Variants in ZNF385D observed in about 807,000 individuals in gnomAD.
ZNF385D encodes the protein zinc finger protein 659.
A neutral mutation model predicts 35.8 loss-of-function variants in ZNF385D; 15 were observed. That is an observed-to-expected ratio of 0.42 (90% CI 0.28 to 0.64). The LOEUF (loss-of-function observed/expected upper bound fraction) is 0.64. Ranked by LOEUF, ZNF385D falls within the 30% of genes least tolerant of loss-of-function variation. The pLI is 0.23. For missense variants in ZNF385D, 474 were observed against 494.6 expected, an observed-to-expected ratio of 0.96 and a Z score of 0.39; for synonymous variants, 212 against 186.8, an observed-to-expected ratio of 1.13 and a Z score of -1.10.
At chr3:21,483,976 A>G (rs35903384) in intron 4 of ZNF385D, among the ~76,000 whole-genome samples, 7 of 152,132 alleles carry the variant, frequency 4.6e-5, no homozygotes, top group African/African-American at 9.7e-5. Context: ...TCAGGGTCCA[A>G]TCAAAAAAGA....
chr3:22,135,571 T>C (rs1192466441), intron 3 of ZNF385D, among the ~76,000 whole-genome samples: 3 of 152,168 alleles, frequency 2.0e-5, no homozygotes, highest in Admixed American at 1.3e-4. Flanking sequence ...GATCAATGGG[T>C]TTAATGCATT....
At chr3:22,324,672 A>G (rs1694594164) in intron 2 of ZNF385D, among the ~76,000 whole-genome samples, 1 of 152,212 alleles carries the variant, frequency 6.6e-6, no homozygotes. Context: ...ATTTTAAAAT[A>G]AAATTTGACA....
At chr3:21,760,524 A>G (rs963940559) in intron 3 of ZNF385D, among the ~76,000 whole-genome samples, 1 of 152,224 alleles carries the variant, frequency 6.6e-6, no homozygotes, top group Non-Finnish European at 1.5e-5. Flanking sequence ...TAACCCTCAC[A>G]TTTCATATTT....
At chr3:21,594,090 G>T (rs1457609301) in intron 2 of ZNF385D, among the ~76,000 whole-genome samples, 1 of 152,160 alleles carries the variant, frequency 6.6e-6, no homozygotes, top group Admixed American at 6.5e-5. Flanking sequence ...AAGGCAAGAA[G>T]CAACTCTAGC....
intron 3 of ZNF385D, among the ~76,000 whole-genome samples, chr3:21,773,605 G>C (rs549669186): frequency 4.7e-4 from 72 of 151,950 alleles, no homozygotes; most frequent in African/African-American, 1.6e-3. Context: ...TAAAAAGTGG[G>C]CAAAGAACAC....
intron 2 of ZNF385D, among the ~76,000 whole-genome samples, chr3:22,228,292 G>T (rs1435244992): frequency 6.6e-6 from 1 of 152,124 alleles, no homozygotes; most frequent in Non-Finnish European, 1.5e-5. Context: ...AATATATATG[G>T]CAGTGGCCAT....
At chr3:22,183,607 C>T (rs1349063768) in intron 2 of ZNF385D, among the ~76,000 whole-genome samples, 4 of 152,088 alleles carry the variant, frequency 2.6e-5, no homozygotes, top group Admixed American at 6.6e-5. Context: ...TCACCCGCCT[C>T]GGCCTCCCGA....
intron 3 of ZNF385D, among the ~76,000 whole-genome samples, chr3:21,764,906 C>T (rs543758228): frequency 6.6e-6 from 1 of 152,086 alleles, no homozygotes; most frequent in Admixed American, 6.6e-5. Context: ...CACTTCTCTC[C>T]TGCCTACAAC....
chr3:21,819,663 A>G (rs2073308951), intron 3 of ZNF385D, among the ~76,000 whole-genome samples: 4 of 146,786 alleles, frequency 2.7e-5, no homozygotes, highest in East Asian at 2.0e-4. Context: ...ATTTATGTGT[A>G]TTAATTATAT....
intron 2 of ZNF385D, among the ~76,000 whole-genome samples, chr3:22,348,155 TTTC>T (rs1332993784): frequency 4.6e-5 from 7 of 152,154 alleles, no homozygotes; most frequent in Admixed American, 3.3e-4. Flanking sequence ...TAACTGGCTT[TTTC>T]TTAAGTAATA....
chr3:22,028,567 G>C (rs1559314718), intron 3 of ZNF385D, among the ~76,000 whole-genome samples: 1 of 152,220 alleles, frequency 6.6e-6, no homozygotes, highest in Non-Finnish European at 1.5e-5. Context: ...GGAAAGGGTA[G>C]AGGTTTGTCC....
rs117636412 is a variant in ZNF385D, at chr3:21,901,810, C to T, written c.326-236782G>A. The stretch of plus-strand genomic sequence containing the variant: ...GTTGGTACAGGAAGACCCAGACTAA[C>T]AGGTTATTTGAGGTTAAAAAGGAAA... On this transcript the variant is annotated intron_variant, in intron 3 of 5. Coordinates refer to the ZNF385D transcript ENST00000494108. Among the ~76,000 whole-genome samples the T allele has an allele frequency of 7.2e-5, 11 of 152,246 alleles. No homozygotes were observed. The East Asian group carries it at 2.1e-3, about 29-fold the overall frequency.
intron 3 of ZNF385D, among the ~76,000 whole-genome samples, chr3:21,860,572 A>G (rs534953631): frequency 1.4e-4 from 22 of 152,158 alleles, no homozygotes; most frequent in Non-Finnish European, 2.8e-4. Context: ...TGCCACTGCC[A>G]ACATGAAAGT....
chr3:22,131,633 A>T (rs965631201), intron 3 of ZNF385D, among the ~76,000 whole-genome samples: 2 of 152,160 alleles, frequency 1.3e-5, no homozygotes, highest in Admixed American at 1.3e-4. Context: ...AGGGAAGGCC[A>T]CTGCAAAGAG....
chr3:21,830,472 T>C (rs912010253), intron 3 of ZNF385D, among the ~76,000 whole-genome samples: 1 of 152,212 alleles, frequency 6.6e-6, no homozygotes, highest in African/African-American at 2.4e-5. Context: ...GATGCCATAT[T>C]AGGTGCGCTG....
At chr3:21,641,412 A>C (rs1330365834) in intron 2 of ZNF385D, among the ~76,000 whole-genome samples, 1 of 151,936 alleles carries the variant, frequency 6.6e-6, no homozygotes, top group Non-Finnish European at 1.5e-5. Context: ...TAAACCAATG[A>C]GGAAGAAAAA....
At position 21,923,080 on chromosome 3, in the gene ZNF385D, A is replaced by G. The variant is rs574983759; in HGVS notation, c.325+245737T>C. Among the ~76,000 whole-genome samples, 22 of 152,232 alleles carry G rather than the reference A, an allele frequency of 1.4e-4. No homozygotes were observed. The South Asian group carries it at 4.4e-3, about 30-fold the overall frequency. On this transcript the variant is annotated intron_variant, in intron 3 of 5. Transcript: ENST00000494108. Reference sequence around the variant, plus strand: ...TTAAGTTTTAGGGTACATGTGCACAACATGCAGGTTTGTTACATATGTACA... The same window carrying G: ...TTAAGTTTTAGGGTACATGTGCACAGCATGCAGGTTTGTTACATATGTACA...
At chr3:21,615,913 T>G (rs1407632004) in intron 2 of ZNF385D, among the ~76,000 whole-genome samples, 2 of 152,032 alleles carry the variant, frequency 1.3e-5, no homozygotes, top group Non-Finnish European at 2.9e-5. Context: ...TTCCAGAATC[T>G]GAGTGGTTTT....
chr3:22,175,647 G>GA (rs1694773691), intron 2 of ZNF385D, among the ~76,000 whole-genome samples: 2 of 151,446 alleles, frequency 1.3e-5, no homozygotes, highest in South Asian at 2.1e-4. Context: ...TTTTTTCGAT[G>GA]AAAAAAATAC....
Sources: allele counts gnomAD v4.1 joint callset (sites outside exome capture counted in the v4.1 genomes callset), GRCh38; gene constraint gnomAD v4.1.1; transcripts MANE v1.5; gene names NCBI Gene and HGNC (gene_info 2026-07-23, HGNC 2026-07-21).